The following SOX6 variants were observed in gnomAD, a reference collection of about 807,000 sequenced individuals.
SOX6 encodes the protein SRY-box transcription factor 6, also known as transcription factor SOX-6.
A neutral mutation model predicts 97.8 loss-of-function variants in SOX6; 11 were observed. That is an observed-to-expected ratio of 0.11 (90% CI 0.07 to 0.19). SOX6 has a LOEUF of 0.19. SOX6 is among the 10% of genes least tolerant of loss of function. The pLI is 1.00. For synonymous variants in SOX6, 360 were observed against 371.4 expected (o/e 0.97, Z 0.35); for missense variants, 810 against 1,039.5 (o/e 0.78, Z 3.04).
intron 1 of SOX6, among the ~76,000 whole-genome samples, chr11:16,442,426 AC>A (rs1225675037): frequency 1.3e-5 from 2 of 152,210 alleles, no homozygotes; most frequent in African/African-American, 4.8e-5. Flanking sequence ...ATCACAAGTA[AC>A]ACAGAAATGA....
At chr11:16,670,664 C>A (rs1193384045) in intron 3 of SOX6, among the ~76,000 whole-genome samples, 1 of 152,216 alleles carries the variant, frequency 6.6e-6, no homozygotes, top group Non-Finnish European at 1.5e-5. Context: ...ACAGCACAGA[C>A]TTCATACTGC....
At chr11:16,258,829 A>ATAC (rs1377975361) in intron 3 of SOX6, among the ~76,000 whole-genome samples, 1 of 122,164 alleles carries the variant, frequency 8.2e-6, no homozygotes, top group Non-Finnish European at 1.9e-5. Context: ...ATACATGTAT[A>ATAC]TACACACACA....
At chr11:16,617,767 T>C (rs1191030866) in intron 3 of SOX6, among the ~76,000 whole-genome samples, 1 of 151,816 alleles carries the variant, frequency 6.6e-6, no homozygotes, top group Non-Finnish European at 1.5e-5. Flanking sequence ...AGCAATTTAA[T>C]AAAGATTACA....
intron 6 of SOX6, among the ~76,000 whole-genome samples, chr11:16,121,998 T>C (rs1009046270): frequency 6.6e-6 from 1 of 152,032 alleles, no homozygotes; most frequent in Non-Finnish European, 1.5e-5. Context: ...CATGTGTGTT[T>C]ATTACTCCTT....
intron 1 of SOX6, among the ~76,000 whole-genome samples, chr11:16,444,410 G>T (rs1365784717): frequency 6.6e-6 from 1 of 152,054 alleles, no homozygotes. Context: ...AATGGTAATG[G>T]CTCATGTCTT....
At chr11:16,630,035 A>C (rs369785272) in intron 3 of SOX6, among the ~76,000 whole-genome samples, 61 of 152,124 alleles carry the variant, frequency 4.0e-4, no homozygotes, top group African/African-American at 1.4e-3. Flanking sequence ...TTTTCAAATA[A>C]CCAGCTCTTA....
At chr11:16,587,702 G>C (rs1848110125) in intron 4 of SOX6, among the ~76,000 whole-genome samples, 1 of 152,192 alleles carries the variant, frequency 6.6e-6, no homozygotes, top group Non-Finnish European at 1.5e-5. Context: ...GAAAATAGGG[G>C]TGTTATTTAT....
intron 6 of SOX6, among the ~76,000 whole-genome samples, chr11:16,160,209 A>G (rs1311055219): frequency 6.6e-6 from 1 of 152,128 alleles, no homozygotes; most frequent in Non-Finnish European, 1.5e-5. Context: ...AAATTGAACT[A>G]TAGTATTGGC....
chr11:16,250,775 T>A (rs188039842), intron 3 of SOX6, among the ~76,000 whole-genome samples: 23 of 151,938 alleles, frequency 1.5e-4, no homozygotes, highest in Non-Finnish European at 2.1e-4. Flanking sequence ...AAGAGAAAAA[T>A]CAACAGAGAT....
In SOX6 at chr11:16,647,039, C is replaced by T. The variant is rs12288758; in HGVS notation, n.430-34779G>A. 3.6e-3 allele frequency among the ~76,000 whole-genome samples: 553 copies of T among 152,256 alleles called. 8 individuals are homozygous for T. The highest frequency in any genetic ancestry group is 0.013 in the African/African-American group (526 of 41,546). Reference sequence around the variant, plus strand: ...GTGTTCCCTTCTCACTGCATCCACACCAACATTTATTATTTTTTTATTTTT... The same window carrying T: ...GTGTTCCCTTCTCACTGCATCCACATCAACATTTATTATTTTTTTATTTTT... On this transcript the variant is annotated intron_variant and non_coding_transcript_variant, in intron 3 of 5. Transcript: ENST00000524520.
chr11:16,111,042 G>T (rs923929951), intron 7 of SOX6, among the ~76,000 whole-genome samples: 4 of 152,254 alleles, frequency 2.6e-5, no homozygotes, highest in African/African-American at 9.6e-5. Flanking sequence ...ATGCACAAAT[G>T]AAATTAAGGT....
chr11:16,454,183 C>G (rs1177521925), intron 1 of SOX6, among the ~76,000 whole-genome samples: 1 of 152,006 alleles, frequency 6.6e-6, no homozygotes, highest in East Asian at 1.9e-4. Flanking sequence ...ACCAGGAGTA[C>G]GATTATTTTT....
intron 13 of SOX6, among the ~76,000 whole-genome samples, chr11:16,011,094 A>G (rs1854710887): frequency 6.6e-6 from 1 of 152,092 alleles, no homozygotes; most frequent in Non-Finnish European, 1.5e-5. Flanking sequence ...GTCTGTAGGC[A>G]ACCTTGAAAT....
At chr11:16,055,055 T>G (rs541626692) in intron 10 of SOX6, among the ~76,000 whole-genome samples, 2 of 152,292 alleles carry the variant, frequency 1.3e-5, no homozygotes, top group African/African-American at 4.8e-5. Context: ...TCAAAAGCGT[T>G]ATTAGGCAAT....
At chr11:16,067,393 T>G (rs573572011) in intron 9 of SOX6, among the ~76,000 whole-genome samples, 10 of 152,064 alleles carry the variant, frequency 6.6e-5, no homozygotes, top group Non-Finnish European at 1.3e-4. Flanking sequence ...CTCATGATAG[T>G]GAATAAGTCT....
At chr11:16,096,165 G>C in intron 8 of SOX6, 47 bp from the exon 9 acceptor site, 10 of 1,589,706 alleles carry the variant, frequency 6.3e-6, no homozygotes, top group Non-Finnish European at 8.6e-6. Context: ...AAAACATACT[G>C]TCAGAACTCA....
intron 12 of SOX6, among the ~76,000 whole-genome samples, chr11:16,025,654 G>A (rs894448254): frequency 3.9e-5 from 6 of 152,006 alleles, no homozygotes; most frequent in Non-Finnish European, 7.4e-5. Context: ...AAAGCTATAC[G>A]AACCAAGAAT....
intron 9 of SOX6, among the ~76,000 whole-genome samples, chr11:16,073,490 A>C (rs1436950313): frequency 6.6e-6 from 1 of 152,166 alleles, no homozygotes; most frequent in Non-Finnish European, 1.5e-5. Context: ...AGAATCATAC[A>C]AACATAGATT....
chr11:16,434,921 T>C (rs1172356840), intron 1 of SOX6, among the ~76,000 whole-genome samples: 4 of 152,184 alleles, frequency 2.6e-5, no homozygotes, highest in Non-Finnish European at 4.4e-5. Context: ...AGATGTTATA[T>C]AAAATATTCA....
Sources: gnomAD v4.1 joint callset for allele counts (sites outside exome capture counted in the v4.1 genomes callset) on GRCh38, gnomAD v4.1.1 for gene constraint, MANE v1.5 for transcripts, NCBI Gene and HGNC (gene_info 2026-07-23, HGNC 2026-07-21) for gene names.